Variants in SC5D observed in about 807,000 individuals in gnomAD.
The protein encoded by SC5D is lathosterol oxidase.
SC5D carries 21 observed loss-of-function variants against 23.9 expected under a neutral mutation model. The ratio of observed to expected loss-of-function variants is 0.88; its 90% CI spans 0.62 to 1.26. The LOEUF is 1.26. SC5D is among the 50% of genes most tolerant of loss of function. SC5D has a pLI of 0.00. For synonymous variants in SC5D, 113 were observed against 125.9 expected, an observed-to-expected ratio of 0.90 and a Z score of 0.68; for missense variants, 309 against 364.8, an observed-to-expected ratio of 0.85 and a Z score of 1.25.
chr11:121,296,169 T>G (rs759969996), intron 1 of SC5D, among the ~76,000 whole-genome samples: 3 of 152,178 alleles, frequency 2.0e-5, no homozygotes, highest in Non-Finnish European at 4.4e-5. Context: ...TCACCTAGCC[T>G]AGTAGTCCAG....
chr11:121,301,097 C>T (rs1947923002), intron 1 of SC5D, among the ~76,000 whole-genome samples: 1 of 152,092 alleles, frequency 6.6e-6, no homozygotes, highest in African/African-American at 2.4e-5. Flanking sequence ...AAAACACAAA[C>T]AGGAAAGTAT....
At position 121,312,286 on chromosome 11, in the gene SC5D, A is replaced by G. The variant is rs1050468220; in HGVS notation, c.*4774A>G. Among the ~76,000 whole-genome samples the G allele has an allele frequency of 2.0e-5, 3 of 152,156 alleles. No homozygotes were observed. The highest frequency in any genetic ancestry group is 7.2e-5 in the African/African-American group (3 of 41,448). On this transcript the variant is annotated 3_prime_UTR_variant, in exon 5 of 5. Transcript: ENST00000264027. ...AATACTTATAAATACTTGTTTTAAT[A>G]TTTGCTTTATTAAAATACATTTAAA...
At chr11:121,297,046 G>A (rs1424011644) in intron 1 of SC5D, among the ~76,000 whole-genome samples, 2 of 152,156 alleles carry the variant, frequency 1.3e-5, no homozygotes, top group African/African-American at 2.4e-5. Context: ...AAGTATACCC[G>A]AGATAGCCCT....
At chr11:121,303,700 G>T in intron 2 of SC5D, 115 bp downstream of exon 2, 1 of 792,634 alleles carries the variant, frequency 1.3e-6, no homozygotes. Flanking sequence ...AAATTTTGGA[G>T]ACCAACCACA....
chr11:121,300,974 C>A (rs1947922092), intron 1 of SC5D, among the ~76,000 whole-genome samples: 1 of 152,212 alleles, frequency 6.6e-6, no homozygotes, highest in Non-Finnish European at 1.5e-5. Context: ...CGCACAGCAA[C>A]AACAAAAGCA....
intron 4 of SC5D, chr11:121,306,696 T>C: frequency 1.5e-6 from 1 of 672,884 alleles, no homozygotes; most frequent in Non-Finnish European, 2.7e-6. Context: ...CGGTAACAGG[T>C]ACACATGGAC....
At chr11:121,297,933 AGAC>A (rs1947900629) in intron 1 of SC5D, among the ~76,000 whole-genome samples, 1 of 152,214 alleles carries the variant, frequency 6.6e-6, no homozygotes, top group Admixed American at 6.5e-5. Context: ...TTTACTTTCT[AGAC>A]AGCTCTTTTA....
chr11:121,307,158 A>T lies in SC5D; in HGVS notation c.546A>T (p.Ile182=). ...TTCTTCAGAGTCTACCTTACCATAT[A>T]TACCCTTTTATCTTTCCATTACACA... ...DGFLQSLPYH[I]YPFIFPLHKV... is the part of the protein sequence containing the mutation. Residue 182 remains isoleucine (I), a synonymous_variant, in exon 5 of 5, where the codon ATA becomes ATT. Transcript: ENST00000264027. 1 of 1,614,020 alleles carries T rather than the reference A, an allele frequency of 6.2e-7. No individual in the cohort carries two copies. Among genetic ancestry groups the T allele is most frequent in the Non-Finnish European group, 8.5e-7 (1 of 1,179,900 alleles).
intron 4 of SC5D, 141 bp downstream of exon 4, chr11:121,306,627 G>C (rs768700144): frequency 2.9e-6 from 2 of 701,322 alleles, no homozygotes; most frequent in South Asian, 3.0e-5. Context: ...GGTACAGGGT[G>C]CATTTTGTTC....
chr11:121,297,578 T>A lies in SC5D; in HGVS notation c.-11+4762T>A. ...TGGTGTTTTTTATTGTTTTGTTAAT[T>A]TGGGTTTAACGTGGCAGTGTGGGAA... On this transcript the variant is annotated intron_variant, in intron 1 of 4. Coordinates refer to ENST00000264027, the MANE Select transcript of SC5D (RefSeq NM_006918.5). 1.3e-5 allele frequency among the ~76,000 whole-genome samples: 2 copies of A among 152,208 alleles called. 1 individual carries two copies. Among genetic ancestry groups the A allele is most frequent in the Middle Eastern group, 6.3e-3 (2 of 316 alleles).
rs1444001770 is a variant in SC5D, at chr11:121,311,958, G to A, written c.*4446G>A. ...GTGAAAGACATTGAGGTGAAGTAGA[G>A]ATAGAGGGTACACAGAAAAATCGTA... On this transcript the variant is annotated 3_prime_UTR_variant, in exon 5 of 5. Transcript: ENST00000264027. Among the ~76,000 whole-genome samples, 2 of 152,198 alleles carry A rather than the reference G, an allele frequency of 1.3e-5. No homozygotes were observed. Among genetic ancestry groups the A allele is most frequent in the African/African-American group, 4.8e-5 (2 of 41,450 alleles).
At position 121,307,971 on chromosome 11, in the gene SC5D, A is replaced by C; in HGVS notation, c.*459A>C. The C allele has an allele frequency of 6.3e-6, 1 of 158,116 alleles. No homozygotes were observed. 9.8% of individuals were successfully genotyped at this position (158,116 alleles called of 1,614,324 possible). ...TTGTTTCAGGAATGGTTAATTCTTC[A>C]ACGTTGGTATGATAATGATAACTTG... On this transcript the variant is annotated 3_prime_UTR_variant, in exon 5 of 5. Transcript: ENST00000264027.
chr11:121,297,149 A>G (rs944410421), intron 1 of SC5D, among the ~76,000 whole-genome samples: 3 of 152,190 alleles, frequency 2.0e-5, no homozygotes, highest in Non-Finnish European at 4.4e-5. Flanking sequence ...TCGTTTGAGG[A>G]CTACAAAGTA....
At chr11:121,292,937 G>A (rs1249271067) in intron 1 of SC5D, 121 bp downstream of exon 1, 2 of 152,616 alleles carry the variant, frequency 1.3e-5, no homozygotes, top group Non-Finnish European at 2.9e-5. Context: ...GGGCGAGGCG[G>A]AAGGTGTCCT....
chr11:121,306,586 A>G (rs1947966673), intron 4 of SC5D, 100 bp downstream of exon 4: 2 of 732,206 alleles, frequency 2.7e-6, no homozygotes, highest in South Asian at 1.5e-5. Flanking sequence ...CTCTACCCAT[A>G]TTAAATGTCT....
intron 1 of SC5D, among the ~76,000 whole-genome samples, chr11:121,300,471 T>C (rs996066285): frequency 6.6e-6 from 1 of 152,252 alleles, no homozygotes; most frequent in Non-Finnish European, 1.5e-5. Context: ...CTTGTGTTTA[T>C]ATGACCTGTC....
intron 1 of SC5D, among the ~76,000 whole-genome samples, chr11:121,301,831 C>T (rs922717037): frequency 6.6e-6 from 1 of 150,670 alleles, no homozygotes; most frequent in East Asian, 1.9e-4. Context: ...GAAAGATCTC[C>T]AAGATATATA....
At position 121,310,730 on chromosome 11, in the gene SC5D, G is replaced by T. The variant is rs1948004462; in HGVS notation, c.*3218G>T. Among the ~76,000 whole-genome samples the T allele has an allele frequency of 6.6e-6, 1 of 152,056 alleles. No individual in the cohort carries two copies. Among genetic ancestry groups the T allele is most frequent in the African/African-American group, 2.4e-5 (1 of 41,396 alleles). On this transcript the variant is annotated 3_prime_UTR_variant, in exon 5 of 5. Transcript: ENST00000264027. ...CTGCCTCGGCCTCCCAAAGTGCTGG[G>T]ATTATAGGTGTGAGCCACCATGCCC... is the stretch of plus-strand genomic sequence containing the variant.
At chr11:121,303,661 T>G in intron 2 of SC5D, 76 bp downstream of exon 2, 1 of 1,216,946 alleles carries the variant, frequency 8.2e-7, no homozygotes, top group Non-Finnish European at 1.2e-6. Context: ...GATTTTTAGA[T>G]TAAGCTGATT....
Sources: gnomAD v4.1 joint callset for allele counts (sites outside exome capture counted in the v4.1 genomes callset) on GRCh38, gnomAD v4.1.1 for gene constraint, MANE v1.5 for transcripts, NCBI Gene and HGNC (gene_info 2026-07-23, HGNC 2026-07-21) for gene names.